The following ANXA10 variants were observed in gnomAD, a reference collection of about 807,000 sequenced individuals.
ANXA10 encodes the protein annexin 14.
Under a neutral mutation model 53.5 loss-of-function variants are expected in ANXA10, and 49 were observed. The ratio of observed to expected loss-of-function variants is 0.92; its 90% CI spans 0.73 to 1.16. The LOEUF is 1.16. Ranked by LOEUF, ANXA10 falls within the 50% of genes most tolerant of loss-of-function variation. ANXA10 has a pLI of 0.00. For missense variants in ANXA10, 393 were observed against 394.4 expected (o/e 1.00, Z 0.03); for synonymous variants, 131 against 128.9 (o/e 1.02, Z -0.11).
chr4:168,094,046 C>G (rs1021545660), intron 1 of ANXA10, among the ~76,000 whole-genome samples: 2 of 152,090 alleles, frequency 1.3e-5, no homozygotes, highest in African/African-American at 2.4e-5. Context: ...ATTGTTTTCT[C>G]TCTCTGTTCA....
At chr4:168,179,805 T>C (rs1327093984) in intron 9 of ANXA10, among the ~76,000 whole-genome samples, 1 of 152,208 alleles carries the variant, frequency 6.6e-6, no homozygotes, top group African/African-American at 2.4e-5. Context: ...GCTATTGTGA[T>C]AGTGGCACAC....
At chr4:168,156,521 G>A (rs1208991950) in intron 3 of ANXA10, among the ~76,000 whole-genome samples, 2 of 143,748 alleles carry the variant, frequency 1.4e-5, no homozygotes, top group Admixed American at 7.4e-5. Context: ...TTGTTTTTTT[G>A]AGACGGAGTC....
At chr4:168,155,604 T>A (rs1731608950) in intron 3 of ANXA10, among the ~76,000 whole-genome samples, 1 of 77,180 alleles carries the variant, frequency 1.3e-5, no homozygotes, top group Non-Finnish European at 2.2e-5. Context: ...AATTATATAA[T>A]ATATAATTAT....
chr4:168,151,555 A>G (rs1025451790), intron 3 of ANXA10, among the ~76,000 whole-genome samples: 1 of 152,196 alleles, frequency 6.6e-6, no homozygotes, highest in African/African-American at 2.4e-5. Context: ...CTTTAGGGCA[A>G]GTCTTCGGAA....
At chr4:168,151,267 T>A (rs1213382445) in intron 3 of ANXA10, among the ~76,000 whole-genome samples, 2 of 152,194 alleles carry the variant, frequency 1.3e-5, no homozygotes, top group Non-Finnish European at 2.9e-5. Context: ...AAAAGCCATA[T>A]AAGTGAAAAG....
chr4:168,162,710 C>G, intron 4 of ANXA10, 69 bp downstream of exon 4: 2 of 1,135,360 alleles, frequency 1.8e-6, no homozygotes, highest in Non-Finnish European at 2.7e-6. Flanking sequence ...GGGAAACTGC[C>G]CTGTGATGCT....
At chr4:168,138,458 G>T (rs537758808) in intron 2 of ANXA10, among the ~76,000 whole-genome samples, 89 of 151,784 alleles carry the variant, frequency 5.9e-4, no homozygotes, top group Non-Finnish European at 1.1e-3. Context: ...GTTTTCTCTT[G>T]TTCTTATTGC....
chr4:168,154,179 A>G (rs1160894323), intron 3 of ANXA10, among the ~76,000 whole-genome samples: 1 of 152,210 alleles, frequency 6.6e-6, no homozygotes, highest in Non-Finnish European at 1.5e-5. Context: ...AAATGTGACT[A>G]AAGGTTAAAT....
At chr4:168,101,762 A>G (rs569676334) in intron 1 of ANXA10, among the ~76,000 whole-genome samples, 1 of 152,074 alleles carries the variant, frequency 6.6e-6, no homozygotes, top group Non-Finnish European at 1.5e-5. Flanking sequence ...ATCTGCACAC[A>G]TCTATATTTA....
chr4:168,155,721 A>T (rs1318975561), intron 3 of ANXA10, among the ~76,000 whole-genome samples: 3 of 57,534 alleles, frequency 5.2e-5, no homozygotes, highest in Admixed American at 3.3e-4. Flanking sequence ...AATATTATAT[A>T]ATATAATATA....
intron 2 of ANXA10, among the ~76,000 whole-genome samples, chr4:168,137,878 G>T (rs1407484855): frequency 2.6e-5 from 4 of 151,518 alleles, no homozygotes; most frequent in Non-Finnish European, 5.9e-5. Context: ...TTCCCACAAA[G>T]ATCATACTAA....
rs1203849830 is a variant in ANXA10, at chr4:168,182,361, T to C, written c.783+620T>C. Among the ~76,000 whole-genome samples the C allele has an allele frequency of 3.2e-5, 4 of 123,960 alleles. No individual in the cohort carries two copies. The Admixed American group carries it at 3.7e-4, about 12-fold the overall frequency. 81.3% of individuals were successfully genotyped at this position (123,960 alleles called of 152,430 possible). A position where few individuals can be genotyped will look rare whatever the true frequency, so the allele number is the denominator to read the frequency against. On this transcript the variant is annotated intron_variant, in intron 10 of 11. Transcript: ENST00000359299. ...TTTTTTTTTTTTTGAGATGGAGTCT[T>C]GCTCTGCTGCCCAGGCTGGAGTGCA...
chr4:168,120,008 T>C (rs533694150), intron 1 of ANXA10, among the ~76,000 whole-genome samples: 2 of 152,158 alleles, frequency 1.3e-5, no homozygotes, highest in Admixed American at 6.5e-5. Flanking sequence ...CGGGGAATAA[T>C]ATAGCTATAA....
intron 2 of ANXA10, among the ~76,000 whole-genome samples, chr4:168,131,528 T>C (rs1731156742): frequency 6.6e-6 from 1 of 151,964 alleles, no homozygotes; most frequent in South Asian, 2.1e-4. Flanking sequence ...CCCTCACTGG[T>C]TTTCTGTCTG....
chr4:168,092,556 T>A lies in ANXA10; in HGVS notation c.-145T>A, dbSNP rs1730476517. 2 of 773,778 alleles carry A rather than the reference T, an allele frequency of 2.6e-6. No individual in the cohort carries two copies. Among genetic ancestry groups the A allele is most frequent in the Admixed American group, 3.2e-5 (1 of 31,276 alleles). 47.9% of individuals were successfully genotyped at this position (773,778 alleles called of 1,614,324 possible). A position where few individuals can be genotyped will look rare whatever the true frequency, so the allele number is the denominator to read the frequency against. The stretch of plus-strand genomic sequence containing the variant: ...TGCTGTATCCAGATTTGCTTTTACA[T>A]TTTCTTGCCTGAGTCTGAGGTGAAC... On this transcript the variant is annotated 5_prime_UTR_variant, in exon 1 of 12. Coordinates refer to ENST00000359299, the MANE Select transcript of ANXA10 (RefSeq NM_007193.5).
rs1187816135 is a variant in ANXA10 at position 168,109,780 on chromosome 4, ATGTCTTTATAAAAC to A, written c.18+17064_18+17077del. ...AAAATCATAACAAAATATACATTCAATGTCTTTATAAAACTAGGTACTCCTGAGAAATTAAAAAT... is the reference window on the plus strand; with the variant it reads ...AAAATCATAACAAAATATACATTCAATAGGTACTCCTGAGAAATTAAAAAT... On this transcript the variant is annotated intron_variant, in intron 1 of 11. Transcript: ENST00000359299. Among the ~76,000 whole-genome samples the A allele has an allele frequency of 4.6e-5, 7 of 152,220 alleles. 1 individual carries two copies. Among genetic ancestry groups the A allele is most frequent in the Admixed American group, 3.9e-4 (6 of 15,274 alleles).
In ANXA10 at chr4:168,128,150, G is replaced by T; in HGVS notation, c.85G>T (p.Ala29Ser). Residue 29 changes from alanine (A) to serine (S), a missense_variant, in exon 2 of 12, where the codon GCA becomes TCA. Ala to Ser is a moderately conservative substitution (Grantham distance 99). Coordinates refer to ENST00000359299, the MANE Select transcript of ANXA10 (RefSeq NM_007193.5). ...AATGGATGCCCAAATGCTAGGAGGA[G>T]CACTCCAAGGATTTGGTAAGTCTGA... ...PIMDAQMLGG[A>S]LQGFDCDKDM... 2 of 1,612,714 alleles carry T rather than the reference G, an allele frequency of 1.2e-6. No homozygotes were observed. Among genetic ancestry groups the T allele is most frequent in the East Asian group, 2.2e-5 (1 of 44,826 alleles).
intron 2 of ANXA10, among the ~76,000 whole-genome samples, chr4:168,134,664 GTCTTAA>G (rs989413684): frequency 1.8e-4 from 28 of 152,150 alleles, no homozygotes; most frequent in African/African-American, 6.0e-4. Flanking sequence ...TTAGTTCAGG[GTCTTAA>G]CCAGGCTTGA....
At chr4:168,182,028 T>C (rs1279906385) in intron 10 of ANXA10, among the ~76,000 whole-genome samples, 1 of 152,152 alleles carries the variant, frequency 6.6e-6, no homozygotes, top group East Asian at 1.9e-4. Flanking sequence ...AATTCAAATG[T>C]TTTTGTATGT....
Sources: allele counts gnomAD v4.1 joint callset (sites outside exome capture counted in the v4.1 genomes callset), GRCh38; gene constraint gnomAD v4.1.1; transcripts MANE v1.5; gene names NCBI Gene and HGNC (gene_info 2026-07-23, HGNC 2026-07-21).